ARHGAP24: variants seen among roughly 807,000 people sequenced by gnomAD.
The protein encoded by ARHGAP24 is rho GTPase-activating protein 24.
Under a neutral mutation model 76.4 loss-of-function variants are expected in ARHGAP24, and 50 were observed. That is an observed-to-expected ratio of 0.65 (90% CI 0.52 to 0.83). The LOEUF (loss-of-function observed/expected upper bound fraction) is 0.83, where lower values mean the gene tolerates loss of function less well. Among genes scored for constraint, ARHGAP24 ranks in the 40% least tolerant of loss-of-function variants. The pLI is 0.00. For missense variants in ARHGAP24, 930 were observed against 914.2 expected, an observed-to-expected ratio of 1.02 and a Z score of -0.22; for synonymous variants, 345 against 323.3, an observed-to-expected ratio of 1.07 and a Z score of -0.72.
chr4:85,514,998 C>T (rs201776468), intron 1 of ARHGAP24, among the ~76,000 whole-genome samples: 8 of 152,060 alleles, frequency 5.3e-5, no homozygotes, highest in East Asian at 1.9e-4. Flanking sequence ...AGGGTGCTTA[C>T]GGAGCGGGGG....
At position 85,643,455 on chromosome 4, in the gene ARHGAP24, T is replaced by A. The variant is rs550432424; in HGVS notation, c.180+72734T>A. Among the ~76,000 whole-genome samples, 6 of 90,138 alleles carry A rather than the reference T, an allele frequency of 6.7e-5. 1 individual carries two copies. The highest frequency in any genetic ancestry group is 9.6e-5 in the Non-Finnish European group (4 of 41,582). 59.1% of individuals were successfully genotyped at this position (90,138 alleles called of 152,430 possible). On this transcript the variant is annotated intron_variant, in intron 2 of 9. Transcript: ENST00000395184. ...TTGTATTTTTAGTAGAGACGGGGTT[T>A]CACCTTGTTAGCCAGGATGGTCTCG...
intron 1 of ARHGAP24, among the ~76,000 whole-genome samples, chr4:85,501,723 T>C (rs1375013659): frequency 6.6e-6 from 1 of 152,232 alleles, no homozygotes; most frequent in Non-Finnish European, 1.5e-5. Flanking sequence ...CTCTTTAGTT[T>C]AATTAGATCC....
At chr4:85,587,516 T>C (rs1255338347) in intron 2 of ARHGAP24, among the ~76,000 whole-genome samples, 1 of 152,244 alleles carries the variant, frequency 6.6e-6, no homozygotes, top group Non-Finnish European at 1.5e-5. Flanking sequence ...TTGTTCAGTA[T>C]AGGCTTGTGA....
intron 3 of ARHGAP24, among the ~76,000 whole-genome samples, chr4:85,786,526 G>C (rs2110090595): frequency 6.6e-6 from 1 of 152,330 alleles, no homozygotes; most frequent in South Asian, 2.1e-4. Context: ...CCAAAGTGCA[G>C]CTCCCAATGC....
At chr4:85,545,573 A>C (rs1054985847) in intron 1 of ARHGAP24, among the ~76,000 whole-genome samples, 1 of 152,332 alleles carries the variant, frequency 6.6e-6, no homozygotes, top group African/African-American at 2.4e-5. Context: ...CGCAAGAGAC[A>C]GCTTCTGAGC....
intron 2 of ARHGAP24, 92 bp from the exon 3 acceptor site, chr4:85,721,793 A>ATAGC (rs1724951511): frequency 9.0e-7 from 1 of 1,114,114 alleles, no homozygotes; most frequent in African/African-American, 1.5e-5. Context: ...ATACTGGGTT[A>ATAGC]TAGCTACACC....
chr4:85,884,472 T>C (rs756152473), intron 3 of ARHGAP24, among the ~76,000 whole-genome samples: 5 of 152,210 alleles, frequency 3.3e-5, no homozygotes, highest in Admixed American at 6.5e-5. Flanking sequence ...ACTAGCTTTC[T>C]AAACATTTGT....
intron 3 of ARHGAP24, among the ~76,000 whole-genome samples, chr4:85,751,335 T>C (rs1038296916): frequency 4.6e-5 from 7 of 152,236 alleles, no homozygotes; most frequent in Non-Finnish European, 1.0e-4. Context: ...TTAGGCATTA[T>C]GCAGTCTTTG....
At chr4:85,617,903 G>T (rs577186233) in intron 2 of ARHGAP24, among the ~76,000 whole-genome samples, 1 of 152,182 alleles carries the variant, frequency 6.6e-6, no homozygotes, top group South Asian at 2.1e-4. Context: ...GTACAATGTG[G>T]TCTTTTGATA....
chr4:85,583,381 C>T (rs1215547646), intron 2 of ARHGAP24, among the ~76,000 whole-genome samples: 3 of 152,054 alleles, frequency 2.0e-5, no homozygotes, highest in Non-Finnish European at 2.9e-5. Flanking sequence ...TCTCACAACA[C>T]TTTATTCATT....
chr4:85,701,127 G>A (rs1724070635), intron 2 of ARHGAP24, among the ~76,000 whole-genome samples: 1 of 152,106 alleles, frequency 6.6e-6, no homozygotes, highest in African/African-American at 2.4e-5. Flanking sequence ...TATAGGAAAG[G>A]AGATGTGATA....
chr4:85,584,718 A>G (rs1727775031), intron 2 of ARHGAP24, among the ~76,000 whole-genome samples: 1 of 152,174 alleles, frequency 6.6e-6, no homozygotes, highest in African/African-American at 2.4e-5. Context: ...TATGGGCAGG[A>G]TCCAAACTAG....
intron 2 of ARHGAP24, among the ~76,000 whole-genome samples, chr4:85,693,434 C>G (rs1363561792): frequency 6.6e-6 from 1 of 152,210 alleles, no homozygotes; most frequent in African/African-American, 2.4e-5. Context: ...GTCTCACTGC[C>G]TCAGTCTCTG....
rs114817794 is a variant in ARHGAP24 at position 85,711,664 on chromosome 4, C to T, written c.181-10221C>T. 3.3e-3 allele frequency among the ~76,000 whole-genome samples: 502 copies of T among 152,156 alleles called. 3 individuals carry two copies. Among genetic ancestry groups the T allele is most frequent in the African/African-American group, 0.011 (474 of 41,526 alleles). ...ATTCAAATATGTGGAAAATTATTAA[C>T]GTAGCTATAAAACAATTTTACTTGG... On this transcript the variant is annotated intron_variant, in intron 2 of 9. Transcript: ENST00000395184.
intron 3 of ARHGAP24, among the ~76,000 whole-genome samples, chr4:85,763,139 C>T (rs1726796842): frequency 6.6e-6 from 1 of 152,042 alleles, no homozygotes; most frequent in Non-Finnish European, 1.5e-5. Flanking sequence ...AGCTACTATT[C>T]GAAGTGAAAT....
intron 3 of ARHGAP24, among the ~76,000 whole-genome samples, chr4:85,870,971 A>T (rs1380390540): frequency 6.6e-6 from 1 of 152,170 alleles, no homozygotes; most frequent in African/African-American, 2.4e-5. Context: ...TTTGCTGACC[A>T]GGGTGATGTT....
intron 8 of ARHGAP24, among the ~76,000 whole-genome samples, chr4:85,989,001 G>A (rs972798651): frequency 6.6e-6 from 1 of 151,242 alleles, no homozygotes; most frequent in Non-Finnish European, 1.5e-5. Flanking sequence ...AAAATAAGAG[G>A]TAATTTAAAC....
chr4:85,982,808 G>T (rs1006664024), intron 8 of ARHGAP24, among the ~76,000 whole-genome samples: 1 of 152,104 alleles, frequency 6.6e-6, no homozygotes, highest in African/African-American at 2.4e-5. Context: ...TACAGGATTT[G>T]CAGGTTTGTT....
chr4:85,729,611 G>A (rs901178174), intron 3 of ARHGAP24, among the ~76,000 whole-genome samples: 5 of 152,034 alleles, frequency 3.3e-5, no homozygotes, highest in Non-Finnish European at 7.3e-5. Flanking sequence ...ATCACTATTC[G>A]CTAGACCAGG....
Sources: gnomAD v4.1 joint callset for allele counts (sites outside exome capture counted in the v4.1 genomes callset) on GRCh38, gnomAD v4.1.1 for gene constraint, MANE v1.5 for transcripts, NCBI Gene and HGNC (gene_info 2026-07-23, HGNC 2026-07-21) for gene names.